The following GASK1A variants were observed in gnomAD, a reference collection of about 807,000 sequenced individuals.
GASK1A encodes Golgi-associated kinase 1A.
A neutral mutation model predicts 41.2 loss-of-function variants in GASK1A; 40 were observed. The observed-to-expected ratio is 0.97, with a 90% CI of 0.75 to 1.27. The LOEUF is 1.27. GASK1A is among the 50% of genes most tolerant of loss of function. The probability of loss-of-function intolerance (pLI) is 0.00; values close to 1 mark genes in which losing one functional copy is unlikely to be tolerated. For missense variants in GASK1A, 678 were observed against 745.1 expected (o/e 0.91, Z 1.05); for synonymous variants, 316 against 307.1 (o/e 1.03, Z -0.30).
At chr3:42,988,620 T>C (rs2089324501) in intron 1 of GASK1A, among the ~76,000 whole-genome samples, 2 of 152,270 alleles carry the variant, frequency 1.3e-5, no homozygotes, top group African/African-American at 4.8e-5. Flanking sequence ...GGCATGGTGC[T>C]GAGCCAGGCA....
intron 1 of GASK1A, among the ~76,000 whole-genome samples, chr3:43,012,429 TAAGCCACAGGAAGGGGCAGTGTG>T (rs1360250480): frequency 7.3e-6 from 1 of 137,836 alleles, no homozygotes; most frequent in East Asian, 2.3e-4. Flanking sequence ...GTGGCTCTGT[TAAGCCACAGGAAGGGGCAGTGTG>T]AAGCCACAGG....
At chr3:43,052,108 G>T (rs2089694059) in intron 2 of GASK1A, among the ~76,000 whole-genome samples, 1 of 152,156 alleles carries the variant, frequency 6.6e-6, no homozygotes, top group Admixed American at 6.5e-5. Flanking sequence ...GGAGATTTAA[G>T]AAAACGACTA....
intron 1 of GASK1A, among the ~76,000 whole-genome samples, chr3:43,003,358 G>A (rs1159720976): frequency 6.6e-6 from 1 of 152,134 alleles, no homozygotes; most frequent in Non-Finnish European, 1.5e-5. Context: ...AGCCAGGCAT[G>A]GTGGCAGGCT....
intron 2 of GASK1A, among the ~76,000 whole-genome samples, chr3:43,042,972 TC>T (rs1289377157): frequency 6.6e-6 from 1 of 151,956 alleles, no homozygotes; most frequent in Non-Finnish European, 1.5e-5. Flanking sequence ...GCCGAGTAAC[TC>T]CCTCCTCTTT....
At chr3:43,037,688 G>A (rs915936302) in intron 2 of GASK1A, among the ~76,000 whole-genome samples, 1 of 152,150 alleles carries the variant, frequency 6.6e-6, no homozygotes, top group African/African-American at 2.4e-5. Context: ...AAGAGCATTT[G>A]ACTCCCACTC....
chr3:42,982,966 A>G (rs986535502), intron 1 of GASK1A, among the ~76,000 whole-genome samples: 1 of 152,194 alleles, frequency 6.6e-6, no homozygotes, highest in Non-Finnish European at 1.5e-5. Context: ...CTGAAGCTGG[A>G]AAAGGGATGT....
chr3:43,009,707 T>C (rs2089454179), intron 1 of GASK1A, among the ~76,000 whole-genome samples: 1 of 152,222 alleles, frequency 6.6e-6, no homozygotes, highest in Non-Finnish European at 1.5e-5. Flanking sequence ...GAAAAACATG[T>C]AACAAACTCA....
chr3:43,038,505 T>C (rs1014893682), intron 2 of GASK1A, among the ~76,000 whole-genome samples: 6 of 152,158 alleles, frequency 3.9e-5, no homozygotes, highest in African/African-American at 1.4e-4. Flanking sequence ...ATTACACTGG[T>C]GTATTCACTG....
At chr3:43,017,711 T>C (rs1243963367) in intron 1 of GASK1A, among the ~76,000 whole-genome samples, 1 of 143,556 alleles carries the variant, frequency 7.0e-6, no homozygotes, top group African/African-American at 2.6e-5. Context: ...AAGAAGGGGC[T>C]GTGTGAAGCC....
At chr3:43,053,238 G>A (rs1213247171) in intron 2 of GASK1A, among the ~76,000 whole-genome samples, 2 of 152,248 alleles carry the variant, frequency 1.3e-5, no homozygotes, top group East Asian at 1.9e-4. Flanking sequence ...GAGGTGCCAG[G>A]CTAGAGCTAA....
intron 1 of GASK1A, among the ~76,000 whole-genome samples, chr3:43,018,567 T>A (rs1018756493): frequency 3.9e-5 from 6 of 152,230 alleles, no homozygotes; most frequent in African/African-American, 1.4e-4. Context: ...CTCTCAAATA[T>A]GCCCAGCTTG....
intron 1 of GASK1A, among the ~76,000 whole-genome samples, chr3:43,019,757 A>AACACACACACACACACACAC (rs148054172): frequency 4.8e-5 from 7 of 146,614 alleles, no homozygotes; most frequent in African/African-American, 1.8e-4. Flanking sequence ...TTCCGTTTTT[A>AACACACACACACACACACAC]ACACACACAC....
In GASK1A at chr3:42,985,546, C is replaced by CGTGTGTGT. The variant is rs56195274; in HGVS notation, c.3+5935_3+5942dup. Among the ~76,000 whole-genome samples, 1,138 of 134,772 alleles carry CGTGTGTGT rather than the reference C, an allele frequency of 8.4e-3. 16 individuals carry two copies. Among genetic ancestry groups the CGTGTGTGT allele is most frequent in the African/African-American group, 0.026 (970 of 37,560 alleles). The allele number at this position is 134,772 out of a possible 152,430, so 88.4% of individuals were successfully genotyped here. A position where few individuals can be genotyped will look rare whatever the true frequency, so the allele number is the denominator to read the frequency against. The stretch of plus-strand genomic sequence containing the variant: ...AGTTTATTGAGGCTGCCTGTGCATA[C>CGTGTGTGT]GTGTGTGTGTGTGTGTGTGTGTGTG... On this transcript the variant is annotated intron_variant, in intron 1 of 4. Coordinates refer to ENST00000430121, the MANE Select transcript of GASK1A (RefSeq NM_001129908.3).
intron 3 of GASK1A, 123 bp downstream of exon 3, chr3:43,053,766 T>C (rs1351165109): frequency 2.7e-6 from 3 of 1,108,506 alleles, no homozygotes; most frequent in African/African-American, 1.5e-5. Flanking sequence ...CTTGTTCTTT[T>C]CAGCAGCAGA....
intron 2 of GASK1A, among the ~76,000 whole-genome samples, chr3:43,041,927 C>A (rs1386311841): frequency 6.6e-6 from 1 of 152,144 alleles, no homozygotes; most frequent in Non-Finnish European, 1.5e-5. Flanking sequence ...ATCCTGAAGG[C>A]CCCAGGCCTG....
chr3:43,044,404 C>T (rs2089652220), intron 2 of GASK1A, among the ~76,000 whole-genome samples: 1 of 152,104 alleles, frequency 6.6e-6, no homozygotes, highest in Non-Finnish European at 1.5e-5. Context: ...GAGGACAGTG[C>T]TTTTTCGGAG....
intron 2 of GASK1A, among the ~76,000 whole-genome samples, chr3:43,036,686 T>C (rs1242609463): frequency 6.6e-6 from 1 of 152,036 alleles, no homozygotes; most frequent in Non-Finnish European, 1.5e-5. Context: ...TGGATTCAAC[T>C]GAGGTGGAAA....
intron 2 of GASK1A, among the ~76,000 whole-genome samples, chr3:43,043,802 C>T (rs968364345): frequency 7.2e-5 from 11 of 152,166 alleles, no homozygotes; most frequent in African/African-American, 2.7e-4. Flanking sequence ...GGTATCTCTT[C>T]ATTTTTTCAA....
intron 2 of GASK1A, chr3:43,037,074 C>T: frequency 1.7e-6 from 1 of 588,510 alleles, no homozygotes; most frequent in South Asian, 2.6e-5. Context: ...CATGCTCACT[C>T]TTGGGTGCTG....
Sources: allele counts gnomAD v4.1 joint callset (sites outside exome capture counted in the v4.1 genomes callset), GRCh38; gene constraint gnomAD v4.1.1; transcripts MANE v1.5; gene names NCBI Gene and HGNC (gene_info 2026-07-23, HGNC 2026-07-21).